The following F13B variants were observed in gnomAD, a reference collection of about 807,000 sequenced individuals.
The protein encoded by F13B is TGase.
In F13B, 58 loss-of-function variants were observed where a neutral mutation model predicts 79.8. The observed-to-expected ratio is 0.73, with a 90% CI of 0.59 to 0.90. F13B has a LOEUF of 0.90. F13B is among the 40% of genes least tolerant of loss of function. The probability of loss-of-function intolerance (pLI) is 0.00; values close to 1 mark genes in which losing one functional copy is unlikely to be tolerated. For synonymous variants in F13B, 283 were observed against 260.3 expected (o/e 1.09, Z -0.84); for missense variants, 773 against 777.0 (o/e 0.99, Z 0.06).
At chr1:197,050,638 G>C (rs1655407078) in intron 10 of F13B, 59 bp downstream of exon 10, 2 of 1,475,986 alleles carry the variant, frequency 1.4e-6, no homozygotes, top group African/African-American at 2.8e-5. Flanking sequence ...ACTCAAAAAT[G>C]ACAGCAAATT....
intron 9 of F13B, 74 bp from the exon 10 acceptor site, chr1:197,050,953 A>T: frequency 7.7e-7 from 1 of 1,290,960 alleles, no homozygotes; most frequent in Admixed American, 1.8e-5. Flanking sequence ...TGCTACAGAG[A>T]CAGAGTCTCC....
chr1:197,060,818 G>A, intron 4 of F13B, 81 bp downstream of exon 4: 1 of 1,291,956 alleles, frequency 7.7e-7, no homozygotes, highest in South Asian at 1.2e-5. Context: ...GAAACATAAT[G>A]AGCATGACAA....
Position 197,055,800 on chromosome 1 carries a change from A to G in F13B, c.1269T>C (p.Tyr423=), listed in dbSNP as rs911481596. 6.2e-7 allele frequency: 1 copy of G among 1,613,532 alleles called. No individual in the cohort carries two copies. Among genetic ancestry groups the G allele is most frequent in the African/African-American group, 1.3e-5 (1 of 74,880 alleles). ...ASYATGSSVE[Y]RCNEYYLLRG... is the part of the protein sequence containing the mutation. ...TCAGTAAGTAATATTCATTGCATCT[A>G]TATTCCACTGAGGATCCTGTTGCAT... Residue 423 remains tyrosine (Y), a synonymous_variant, in exon 8 of 12, where the codon TAT becomes TAC. Transcript: ENST00000367412.
At chr1:197,062,000 A>T in intron 2 of F13B, 31 bp from the exon 3 acceptor site, 1 of 1,556,270 alleles carries the variant, frequency 6.4e-7, no homozygotes. Flanking sequence ...TAACTTAATG[A>T]TGAAACTAAG....
chr1:197,039,520 G>C, intron 11 of F13B, 109 bp from the exon 12 acceptor site: 1 of 808,556 alleles, frequency 1.2e-6, no homozygotes, highest in Non-Finnish European at 2.1e-6. Flanking sequence ...TTTTTATTAA[G>C]TACTAATAAG....
chr1:197,054,696 TAAATA>T (rs1655572187), intron 8 of F13B, among the ~76,000 whole-genome samples: 1 of 151,902 alleles, frequency 6.6e-6, no homozygotes, highest in East Asian at 1.9e-4. Context: ...AATTAATTCT[TAAATA>T]AATCAAATTA....
At chr1:197,063,760 T>C (rs537558254) in intron 1 of F13B, among the ~76,000 whole-genome samples, 6 of 152,176 alleles carry the variant, frequency 3.9e-5, no homozygotes, top group Non-Finnish European at 7.3e-5. Context: ...ATTGAAAATA[T>C]TTTACATTCT....
intron 10 of F13B, among the ~76,000 whole-genome samples, chr1:197,042,932 A>G (rs1655097152): frequency 6.6e-6 from 1 of 151,690 alleles, no homozygotes; most frequent in African/African-American, 2.4e-5. Flanking sequence ...TACAGCCAGC[A>G]GAACTTCTGA....
intron 8 of F13B, among the ~76,000 whole-genome samples, chr1:197,053,136 A>G (rs1655511104): frequency 6.6e-6 from 1 of 152,128 alleles, no homozygotes; most frequent in Non-Finnish European, 1.5e-5. Flanking sequence ...ACCTTTAACT[A>G]CCATGTAGAA....
At chr1:197,065,473 A>C (rs1228808340) in intron 1 of F13B, among the ~76,000 whole-genome samples, 1 of 152,180 alleles carries the variant, frequency 6.6e-6, no homozygotes, top group Admixed American at 6.6e-5. Flanking sequence ...GTAAATAAAT[A>C]AAAATGGGAT....
Position 197,040,667 on chromosome 1 carries a change from T to TAA in F13B, c.1806_1807insTT (p.Arg603LeufsTer40). 1 of 1,613,162 alleles carries TAA rather than the reference T, an allele frequency of 6.2e-7. No individual in the cohort carries two copies. Among genetic ancestry groups the TAA allele is most frequent in the Non-Finnish European group, 8.5e-7 (1 of 1,179,354 alleles). On this transcript the variant is annotated frameshift_variant, in exon 11 of 12. Transcript: ENST00000367412. LOFTEE classifies it high-confidence loss of function. ...TATTCACCATGCAAAATGTGTGGTCTATTGTCAAAATCCCATTTCAGAAGT... is the reference window on the plus strand; with the variant it reads ...TATTCACCATGCAAAATGTGTGGTCTAAATTGTCAAAATCCCATTTCAGAAGT...
chr1:197,054,626 T>C (rs968397852), intron 8 of F13B, among the ~76,000 whole-genome samples: 2 of 151,846 alleles, frequency 1.3e-5, no homozygotes, highest in African/African-American at 4.8e-5. Flanking sequence ...GGCTAAACTA[T>C]GAATAATTAA....
chr1:197,061,653 A>G (rs1655866867), intron 3 of F13B, 131 bp downstream of exon 3: 2 of 792,724 alleles, frequency 2.5e-6, no homozygotes, highest in Admixed American at 2.5e-5. Context: ...GCAATGTAAT[A>G]TCAACTTCCT....
chr1:197,064,258 A>G (rs1476744399), intron 1 of F13B, among the ~76,000 whole-genome samples: 1 of 152,170 alleles, frequency 6.6e-6, no homozygotes, highest in Non-Finnish European at 1.5e-5. Flanking sequence ...TGCAATATAT[A>G]TTGGGGTAAA....
chr1:197,044,042 CAT>C (rs17549797), intron 10 of F13B, among the ~76,000 whole-genome samples: 4 of 149,936 alleles, frequency 2.7e-5, no homozygotes, highest in Admixed American at 6.7e-5. Flanking sequence ...GGAACTAACT[CAT>C]ATATATATAT....
At chr1:197,059,326 A>T (rs1446552332) in intron 5 of F13B, among the ~76,000 whole-genome samples, 1 of 152,170 alleles carries the variant, frequency 6.6e-6, no homozygotes, top group Non-Finnish European at 1.5e-5. Context: ...AAATCATAAA[A>T]TCTTTAAAGT....
In F13B at chr1:197,057,206, G is replaced by A. The variant is rs372751236; in HGVS notation, c.986-8C>T. ...CTACCTTCTCCTGTCCTTCTGAAAAGGTACAGTTGAAAGAGAACTGACCAT... is the reference window on the plus strand; with the variant it reads ...CTACCTTCTCCTGTCCTTCTGAAAAAGTACAGTTGAAAGAGAACTGACCAT... On this transcript the variant is annotated splice_polypyrimidine_tract_variant and splice_region_variant and intron_variant, in intron 6 of 11. Transcript: ENST00000367412. The A allele has an allele frequency of 6.2e-7, 1 of 1,613,696 alleles. No homozygotes were observed. The highest frequency in any genetic ancestry group is 1.7e-5 in the Admixed American group (1 of 59,914).
At chr1:197,054,197 A>G (rs2125065723) in intron 8 of F13B, among the ~76,000 whole-genome samples, 1 of 152,136 alleles carries the variant, frequency 6.6e-6, no homozygotes, top group East Asian at 1.9e-4. Context: ...TGTTCCAGAT[A>G]TAGAATGATG....
Position 197,052,633 on chromosome 1 carries a change from C to T in F13B, c.1555+1G>A. On this transcript the variant is annotated splice_donor_variant, in intron 9 of 11. Transcript: ENST00000367412. LOFTEE classifies it high-confidence loss of function. Reference sequence around the variant, plus strand: ...ACTTGCAGAGAACATTATTATTTTACCTTTTCTAGTACATAAAGGATATTT... The same window carrying T: ...ACTTGCAGAGAACATTATTATTTTATCTTTTCTAGTACATAAAGGATATTT... 1 of 1,603,778 alleles carries T rather than the reference C, an allele frequency of 6.2e-7. No individual in the cohort carries two copies. Among genetic ancestry groups the T allele is most frequent in the Non-Finnish European group, 8.5e-7 (1 of 1,172,466 alleles).
Sources: gnomAD v4.1 joint callset for allele counts (sites outside exome capture counted in the v4.1 genomes callset) on GRCh38, gnomAD v4.1.1 for gene constraint, MANE v1.5 for transcripts, NCBI Gene and HGNC (gene_info 2026-07-23, HGNC 2026-07-21) for gene names.